Variants in ZNF701 observed in about 807,000 individuals in gnomAD.
ZNF701 encodes zinc finger protein 701.
In ZNF701, 6 loss-of-function variants were observed where a neutral mutation model predicts 7.1. The observed-to-expected ratio is 0.84, with a 90% CI of 0.46 to 1.66. The LOEUF is 1.66. Ranked by LOEUF, ZNF701 falls within the 40% of genes most tolerant of loss-of-function variation. The pLI is 0.01. For missense variants in ZNF701, 541 were observed against 559.2 expected (o/e 0.97, Z 0.33); for synonymous variants, 166 against 188.2 (o/e 0.88, Z 0.97).
downstream of ZNF701, chr19:52,592,023 T>C (rs1190969389): frequency 1.6e-6 from 1 of 635,404 alleles, no homozygotes; most frequent in Non-Finnish European, 2.8e-6. Flanking sequence ...TCGATACTTA[T>C]TTTCTCTTTT....
intron 3 of ZNF701, among the ~76,000 whole-genome samples, chr19:52,577,071 G>A (rs932716092): frequency 6.6e-6 from 1 of 152,102 alleles, no homozygotes; most frequent in African/African-American, 2.4e-5. Context: ...ATCTTTCTTT[G>A]CCCCCACTTA....
intron 3 of ZNF701, among the ~76,000 whole-genome samples, chr19:52,581,418 C>T (rs1270275569): frequency 1.3e-5 from 2 of 151,926 alleles, no homozygotes; most frequent in Non-Finnish European, 2.9e-5. Flanking sequence ...AGAGGTTTTG[C>T]CATGTTGGCC....
chr19:52,577,504 T>C (rs1419947026), intron 3 of ZNF701, among the ~76,000 whole-genome samples: 1 of 150,896 alleles, frequency 6.6e-6, no homozygotes, highest in Non-Finnish European at 1.5e-5. Flanking sequence ...TATCAATCAT[T>C]AGCTTTTAAT....
chr19:52,595,277 CT>C, the ZNF701 span, among the ~76,000 whole-genome samples: 9 of 147,748 alleles, frequency 6.1e-5, no homozygotes, highest in South Asian at 6.4e-4. Context: ...ACCATCTGTA[CT>C]TTTTTTTTTG....
chr19:52,574,308 C>G, intron 2 of ZNF701, 146 bp downstream of exon 2: 1 of 1,389,370 alleles, frequency 7.2e-7, no homozygotes, highest in Non-Finnish European at 1.0e-6. Context: ...TCCCTGTCAT[C>G]TCACTTAGAT....
chr19:52,594,844 A>G, the ZNF701 span, among the ~76,000 whole-genome samples: 3 of 152,296 alleles, frequency 2.0e-5, no homozygotes, highest in South Asian at 6.2e-4. Flanking sequence ...TCACAGAAGC[A>G]TCTTTCACTG....
chr19:52,577,991 T>C (rs941693374), intron 3 of ZNF701, among the ~76,000 whole-genome samples: 1 of 152,024 alleles, frequency 6.6e-6, no homozygotes, highest in Non-Finnish European at 1.5e-5. Context: ...GCAGTGGCTC[T>C]TGCCTGTAAT....
At position 52,572,808 on chromosome 19, in the gene ZNF701, G is replaced by T; in HGVS notation, c.-71-1269G>T. ...CTGTCCAGGCTCCTCCTGGGAACTT[G>T]CCCTCATCTCATGACTCCCTCTGCC... On this transcript the variant is annotated intron_variant, in intron 1 of 3. Transcript: ENST00000391785. 2 of 427,112 alleles carry T rather than the reference G, an allele frequency of 4.7e-6. 1 individual carries two copies. The highest frequency in any genetic ancestry group is 3.4e-5 in the South Asian group (2 of 59,036). The allele number at this position is 427,112 out of a possible 1,614,324, so 26.5% of individuals were successfully genotyped here.
downstream of ZNF701, among the ~76,000 whole-genome samples, chr19:52,587,837 ACT>A (rs1292912635): frequency 3.3e-5 from 5 of 152,202 alleles, no homozygotes; most frequent in African/African-American, 1.2e-4. Flanking sequence ...ATACAATGGC[ACT>A]GGTGATTCTC....
At chr19:52,593,862 C>T in the ZNF701 span, among the ~76,000 whole-genome samples, 2 of 114,984 alleles carry the variant, frequency 1.7e-5, no homozygotes, top group African/African-American at 6.8e-5. Flanking sequence ...GGGCTCCTCA[C>T]ATCCCAGACG....
chr19:52,598,131 A>G, the ZNF701 span: 27 of 152,288 alleles, frequency 1.8e-4, no homozygotes, highest in African/African-American at 5.8e-4. Flanking sequence ...TTTTCAGTAG[A>G]GACGGGGTTT....
the ZNF701 span, chr19:52,596,903 T>C: frequency 5.4e-6 from 3 of 558,744 alleles, no homozygotes; most frequent in Non-Finnish European, 1.1e-5. Context: ...AGAGAGTTTA[T>C]ACTGGAGAGA....
At chr19:52,587,706 G>A (rs552541206), downstream of ZNF701, among the ~76,000 whole-genome samples, 4 of 152,326 alleles carry the variant, frequency 2.6e-5, no homozygotes, top group South Asian at 2.1e-4. Flanking sequence ...CTGGGCTGGC[G>A]CCATCTGAGT....
At chr19:52,595,674 A>G in the ZNF701 span, 9 of 1,338,522 alleles carry the variant, frequency 6.7e-6, no homozygotes, top group Non-Finnish European at 9.5e-6. Flanking sequence ...AATACAGGAG[A>G]AGTGATTCAC....
chr19:52,588,496 AAAG>A (rs1241653121), downstream of ZNF701: 2 of 264,508 alleles, frequency 7.6e-6, no homozygotes, highest in Non-Finnish European at 1.5e-5. Flanking sequence ...AAAAAAAAAA[AAAG>A]AAAAATTAAA....
intron 3 of ZNF701, among the ~76,000 whole-genome samples, chr19:52,578,989 A>G (rs77232599): frequency 0.12 from 18,065 of 145,106 alleles, 2,317 homozygotes; most frequent in African/African-American, 0.27. Context: ...CTCGTGATCC[A>G]CCCGCCTTAG....
At chr19:52,594,582 C>T in the ZNF701 span, among the ~76,000 whole-genome samples, 2 of 151,548 alleles carry the variant, frequency 1.3e-5, no homozygotes, top group East Asian at 1.9e-4. Context: ...GGTGCGATCT[C>T]GGCTCACTGC....
Position 52,584,805 on chromosome 19 carries a change from T to G in ZNF701, c.*1348T>G, listed in dbSNP as rs45586042. The G allele has an allele frequency of 6.6e-6, 1 of 152,120 alleles. No homozygotes were observed. The highest frequency in any genetic ancestry group is 1.5e-5 in the Non-Finnish European group (1 of 68,032). 9.4% of individuals were successfully genotyped at this position (152,120 alleles called of 1,614,324 possible). A position where few individuals can be genotyped will look rare whatever the true frequency, so the allele number is the denominator to read the frequency against. On this transcript the variant is annotated 3_prime_UTR_variant, in exon 4 of 4. Coordinates refer to ENST00000391785, the MANE Select transcript of ZNF701 (RefSeq NM_018260.3). ...CACTGAATGTGTTGATTAGTTCCAG[T>G]AGTATTTTGGTTGACTCAGGCCCCG...
At position 52,585,695 on chromosome 19, in the gene ZNF701, A is replaced by AT. The variant is rs35269333; in HGVS notation, c.*2247dup. On this transcript the variant is annotated 3_prime_UTR_variant, in exon 4 of 4. Transcript: ENST00000391785. ...CCCATTTACAAAGTTTTTGGAGGTTATTTTTTTTTGAGGTCCCTATGGGCT... is the reference window on the plus strand; with the variant it reads ...CCCATTTACAAAGTTTTTGGAGGTTATTTTTTTTTTGAGGTCCCTATGGGCT... 0.3 allele frequency: 45,034 copies of AT among 151,462 alleles called. 7,606 individuals are homozygous for AT. The highest frequency in any genetic ancestry group is 0.44 in the South Asian group (2,112 of 4,812). 9.4% of individuals were successfully genotyped at this position (151,462 alleles called of 1,614,324 possible).
Sources: gnomAD v4.1 joint callset for allele counts (sites outside exome capture counted in the v4.1 genomes callset) on GRCh38, gnomAD v4.1.1 for gene constraint, MANE v1.5 for transcripts, NCBI Gene and HGNC (gene_info 2026-07-23, HGNC 2026-07-21) for gene names.